TMPRSS4: variants seen among roughly 807,000 people sequenced by gnomAD.
The protein encoded by TMPRSS4 is transmembrane serine protease 4, also known as transmembrane protease serine 4.
In TMPRSS4, 45 loss-of-function variants were observed where a neutral mutation model predicts 56.4. The ratio of observed to expected loss-of-function variants is 0.80; its 90% CI spans 0.63 to 1.02. The LOEUF is 1.02. Ranked by LOEUF, TMPRSS4 falls within the 50% of genes least tolerant of loss-of-function variation. The pLI, the probability that TMPRSS4 is intolerant of heterozygous loss-of-function variation, is 0.00. For synonymous variants in TMPRSS4, 205 were observed against 211.0 expected, an observed-to-expected ratio of 0.97 and a Z score of 0.25; for missense variants, 546 against 556.7, an observed-to-expected ratio of 0.98 and a Z score of 0.19.
chr11:118,119,015 G>A lies in TMPRSS4; in HGVS notation c.*1102G>A. 4.1e-6 allele frequency: 4 copies of A among 985,326 alleles called. No individual in the cohort carries two copies. The highest frequency in any genetic ancestry group is 4.8e-6 in the Non-Finnish European group (4 of 829,914). 61.0% of individuals were successfully genotyped at this position (985,326 alleles called of 1,614,324 possible). ...TTTTTGGCATCTGTATGAAAGCTTGGGTTTTCTGAGGACTGTCTTGCTATA... is the reference window on the plus strand; with the variant it reads ...TTTTTGGCATCTGTATGAAAGCTTGAGTTTTCTGAGGACTGTCTTGCTATA... On this transcript the variant is annotated 3_prime_UTR_variant, in exon 13 of 13. Transcript: ENST00000437212.
chr11:118,117,220 G>T, intron 11 of TMPRSS4, 85 bp from the exon 12 acceptor site: 1 of 1,397,064 alleles, frequency 7.2e-7, no homozygotes. Context: ...CAGGGGAACA[G>T]ATAGGCCAGT....
intron 1 of TMPRSS4, among the ~76,000 whole-genome samples, chr11:118,079,246 C>T (rs543870249): frequency 6.6e-6 from 1 of 152,146 alleles, no homozygotes; most frequent in South Asian, 2.1e-4. Context: ...ACAGCCATAG[C>T]TCCCAGCCCT....
chr11:118,112,837 T>C (rs1242837207), intron 8 of TMPRSS4, among the ~76,000 whole-genome samples: 1 of 151,044 alleles, frequency 6.6e-6, no homozygotes, highest in Admixed American at 6.6e-5. Context: ...TTTTTTTTTT[T>C]TTTTTTGAGA....
chr11:118,093,418 C>A (rs1045579794), intron 1 of TMPRSS4, among the ~76,000 whole-genome samples: 1 of 152,192 alleles, frequency 6.6e-6, no homozygotes, highest in African/African-American at 2.4e-5. Context: ...TGGGTGGAGA[C>A]CTAGACCACA....
rs186379813 is a variant in TMPRSS4 at position 118,091,213 on chromosome 11, T to C, written c.4-3603T>C. 1.7e-4 allele frequency among the ~76,000 whole-genome samples: 26 copies of C among 152,278 alleles called. 1 individual carries two copies. The East Asian group carries it at 4.6e-3, about 27-fold the overall frequency. On this transcript the variant is annotated intron_variant, in intron 1 of 12. Coordinates refer to ENST00000437212, the MANE Select transcript of TMPRSS4 (RefSeq NM_019894.4). ...TATTGTTTGTATCTTCCAAACACAT[T>C]TGGCGTCTTTTTACCACCAACCTCC...
At position 118,113,298 on chromosome 11, in the gene TMPRSS4, T is replaced by C. The variant is rs745894054; in HGVS notation, c.773T>C (p.Val258Ala). Residue 258 changes from valine to alanine, a missense_variant, in exon 9 of 13, where the codon GTG (valine) becomes GCG (alanine). By Grantham distance (64) the Val-to-Ala change is moderately conservative. Coordinates refer to ENST00000437212, the MANE Select transcript of TMPRSS4 (RefSeq NM_019894.4). Reference protein sequence around the residue: ...RKHTDVFNWKVRAGSDKLGSF... With the variant: ...RKHTDVFNWKARAGSDKLGSF... ...CATACCGATGTGTTCAACTGGAAGG[T>C]GCGGGCAGGCTCAGACAAACTGGGC... The C allele has an allele frequency of 8.1e-6, 13 of 1,613,906 alleles. No homozygotes were observed. In the Middle Eastern group the frequency reaches 4.9e-4, roughly 61 times the overall value.
At chr11:118,077,704 T>C (rs1469533668) in intron 1 of TMPRSS4, among the ~76,000 whole-genome samples, 1 of 152,180 alleles carries the variant, frequency 6.6e-6, no homozygotes, top group Non-Finnish European at 1.5e-5. Flanking sequence ...GGAAACTGAT[T>C]CCTTTTCTTT....
intron 1 of TMPRSS4, among the ~76,000 whole-genome samples, chr11:118,093,111 T>C (rs1347358699): frequency 1.3e-5 from 2 of 152,180 alleles, no homozygotes; most frequent in Non-Finnish European, 2.9e-5. Flanking sequence ...CATGGCCTAG[T>C]GTTACCCAAG....
rs1941635 is a variant in TMPRSS4 at position 118,111,780 on chromosome 11, T to A, written c.623T>A (p.Val208Glu). 1 of 1,601,908 alleles carries A rather than the reference T, an allele frequency of 6.2e-7. No individual in the cohort carries two copies. Among genetic ancestry groups the A allele is most frequent in the East Asian group, 2.3e-5 (1 of 43,514 alleles). Residue 208 changes from valine (V) to glutamate (E), a missense_variant, in exon 8 of 13, where the codon GTG (valine) becomes GAG (glutamate). Val to Glu is a moderately radical substitution (Grantham distance 121, BLOSUM62 -2). Transcript: ENST00000437212. ...CTGAAGACCCCCCGTGTGGTGGGTG[T>A]GGAGGAGGCCTCTGTGGATTCTTGG... ...KSLKTPRVVGVEEASVDSWPW... is the reference protein window; with the variant it reads ...KSLKTPRVVGEEEASVDSWPW...
intron 1 of TMPRSS4, among the ~76,000 whole-genome samples, chr11:118,081,929 ACACT>A (rs1207754585): frequency 1.3e-5 from 2 of 152,134 alleles, no homozygotes; most frequent in East Asian, 1.9e-4. Context: ...ACAAAGCCTG[ACACT>A]CACTCACTCA....
chr11:118,097,041 AGAAAG>A (rs67321345), intron 2 of TMPRSS4, among the ~76,000 whole-genome samples: 6 of 77,890 alleles, frequency 7.7e-5, no homozygotes, highest in East Asian at 3.6e-4. Flanking sequence ...AGAAAAGGAA[AGAAAG>A]GAAAGGAAAG....
In TMPRSS4 at chr11:118,113,414, C is replaced by G; in HGVS notation, c.889C>G (p.Gln297Glu). 6.2e-7 allele frequency: 1 copy of G among 1,614,152 alleles called. No homozygotes were observed. Among genetic ancestry groups the G allele is most frequent in the Non-Finnish European group, 8.5e-7 (1 of 1,179,990 alleles). ...KDNDIALMKL[Q>E]FPLTFSGTVR... ...CAATGACATCGCCCTCATGAAGCTGCAGTTCCCACTCACTTTCTCAGGTGA... is the reference window on the plus strand; with the variant it reads ...CAATGACATCGCCCTCATGAAGCTGGAGTTCCCACTCACTTTCTCAGGTGA... Residue 297 changes from glutamine to glutamate, a missense_variant, in exon 9 of 13, where the codon CAG becomes GAG. By Grantham distance (29) the Gln-to-Glu change is conservative. Coordinates refer to ENST00000437212, the MANE Select transcript of TMPRSS4 (RefSeq NM_019894.4).
At chr11:118,093,823 C>CA (rs1555083619) in intron 1 of TMPRSS4, among the ~76,000 whole-genome samples, 1 of 151,266 alleles carries the variant, frequency 6.6e-6, no homozygotes, top group Non-Finnish European at 1.5e-5. Flanking sequence ...TAACTGCCCC[C>CA]CCCAATGGTA....
At chr11:118,114,968 T>A in intron 10 of TMPRSS4, 41 bp downstream of exon 10, 1 of 1,562,148 alleles carries the variant, frequency 6.4e-7, no homozygotes, top group Non-Finnish European at 8.7e-7. Context: ...GAGATGCCCT[T>A]GTATGAGGGA....
At chr11:118,079,360 G>A (rs951321841) in intron 1 of TMPRSS4, among the ~76,000 whole-genome samples, 4 of 152,040 alleles carry the variant, frequency 2.6e-5, no homozygotes, top group African/African-American at 4.8e-5. Flanking sequence ...TGACAGTCAG[G>A]GTCCTTTGAG....
rs1467465969 is a variant in TMPRSS4 at position 118,082,282 on chromosome 11, C to T, written c.3+4977C>T. On this transcript the variant is annotated intron_variant, in intron 1 of 12. Coordinates refer to ENST00000437212, the MANE Select transcript of TMPRSS4 (RefSeq NM_019894.4). ...ACAGATGAAGAAATTGAGGCTCAGC[C>T]GGGTGTGGTGGCTCATGCCTGTAAT... Among the ~76,000 whole-genome samples, 5 of 152,224 alleles carry T rather than the reference C, an allele frequency of 3.3e-5. No homozygotes were observed. The East Asian group carries it at 5.8e-4, about 18-fold the overall frequency.
intron 11 of TMPRSS4, among the ~76,000 whole-genome samples, chr11:118,115,872 C>T (rs188040064): frequency 3.9e-5 from 6 of 152,240 alleles, no homozygotes; most frequent in Non-Finnish European, 7.4e-5. Flanking sequence ...CCCACCCACC[C>T]TTCTCACTAG....
At position 118,107,756 on chromosome 11, in the gene TMPRSS4, C is replaced by G; in HGVS notation, c.441-18C>G. Reference sequence around the variant, plus strand: ...CCTGCCCCAGCTCACAACTCTCTCTCCCTCTTGATGTGAGCAGCAAACCCA... The same window carrying G: ...CCTGCCCCAGCTCACAACTCTCTCTGCCTCTTGATGTGAGCAGCAAACCCA... On this transcript the variant is annotated intron_variant, in intron 5 of 12. Transcript: ENST00000437212. 6.2e-7 allele frequency: 1 copy of G among 1,609,562 alleles called. No individual in the cohort carries two copies. The highest frequency in any genetic ancestry group is 8.5e-7 in the Non-Finnish European group (1 of 1,176,218).
chr11:118,100,314 G>T (rs12271133), intron 3 of TMPRSS4, among the ~76,000 whole-genome samples: 7,483 of 152,298 alleles, frequency 0.049, 619 homozygotes, highest in African/African-American at 0.17. Context: ...ATTGGGGCAG[G>T]ACTGCCTGTG....
Sources: allele counts gnomAD v4.1 joint callset (sites outside exome capture counted in the v4.1 genomes callset), GRCh38; gene constraint gnomAD v4.1.1; transcripts MANE v1.5; gene names NCBI Gene and HGNC (gene_info 2026-07-23, HGNC 2026-07-21).